Variants in KIF13A observed in about 807,000 individuals in gnomAD.
KIF13A encodes the protein kinesin-like protein KIF13A.
In KIF13A, 79 loss-of-function variants were observed where a neutral mutation model predicts 212.2. The ratio of observed to expected loss-of-function variants is 0.37; its 90% CI spans 0.31 to 0.45. KIF13A has a LOEUF of 0.45. KIF13A is among the 20% of genes least tolerant of loss of function. The probability of loss-of-function intolerance (pLI) is 1.00; values close to 1 mark genes in which losing one functional copy is unlikely to be tolerated. For missense variants in KIF13A, 1,901 were observed against 2,209.0 expected (o/e 0.86, Z 2.79); for synonymous variants, 789 against 808.6 (o/e 0.98, Z 0.41).
At position 17,871,732 on chromosome 6, in the gene KIF13A, T is replaced by G. The variant is rs1443091337; in HGVS notation, c.220+1645A>C. 1.3e-5 allele frequency among the ~76,000 whole-genome samples: 2 copies of G among 152,184 alleles called. No individual in the cohort carries two copies. The highest frequency in any genetic ancestry group is 3.8e-4 in the East Asian group (2 of 5,198). ...TGTAGTCCAAAGAGTATAGATTTTTTCTAGCATGTGATGAGGAGTCCTGGA... is the reference window on the plus strand; with the variant it reads ...TGTAGTCCAAAGAGTATAGATTTTTGCTAGCATGTGATGAGGAGTCCTGGA... On this transcript the variant is annotated intron_variant, in intron 4 of 38. Transcript: ENST00000259711. This position sits in a 1 kb window ranked among gnomAD's most constrained non-coding sequence, Gnocchi z 4.4.
Position 17,828,169 on chromosome 6 carries a change from G to T in KIF13A, c.1532+71C>A, listed in dbSNP as rs1398712445. 9.4e-6 allele frequency: 14 copies of T among 1,495,676 alleles called. No individual in the cohort carries two copies. The Admixed American group carries it at 2.7e-4, about 29-fold the overall frequency. 92.7% of individuals were successfully genotyped at this position (1,495,676 alleles called of 1,614,324 possible). On this transcript the variant is annotated intron_variant, in intron 14 of 38. Transcript: ENST00000259711. The surrounding 1 kb of genome is among the most constrained non-coding windows in gnomAD (Gnocchi z 4.3). ...ACTTTAATATAGCTGAAAGCAAACA[G>T]AAAGAGGCAGCCTTCTCCTTCTGAA...
intron 4 of KIF13A, among the ~76,000 whole-genome samples, chr6:17,868,030 A>C (rs1439339555): frequency 6.6e-6 from 1 of 152,242 alleles, no homozygotes; most frequent in Admixed American, 6.5e-5. Context: ...TAAGAGGCAG[A>C]TGTACAACCT....
rs1474648428 is a variant in KIF13A at position 17,829,794 on chromosome 6, T to G, written c.1401+1307A>C. ...GACTCTCAATAACTCAGGGGCTATT[T>G]GTACCAAATTTACACCTCTAGGAAA... On this transcript the variant is annotated intron_variant, in intron 13 of 38. Coordinates refer to ENST00000259711, the MANE Select transcript of KIF13A (RefSeq NM_022113.6). This position sits in a 1 kb window ranked among gnomAD's most constrained non-coding sequence, Gnocchi z 5.4. 6.6e-6 allele frequency among the ~76,000 whole-genome samples: 1 copy of G among 152,138 alleles called. No individual in the cohort carries two copies. The highest frequency in any genetic ancestry group is 1.5e-5 in the Non-Finnish European group (1 of 68,034).
Position 17,769,457 on chromosome 6 carries a change from T to G in KIF13A, c.4581+1657A>C, listed in dbSNP as rs1380157238. 1.3e-5 allele frequency among the ~76,000 whole-genome samples: 2 copies of G among 152,134 alleles called. No individual in the cohort carries two copies. The highest frequency in any genetic ancestry group is 4.8e-5 in the African/African-American group (2 of 41,438). On this transcript the variant is annotated intron_variant, in intron 38 of 38. Transcript: ENST00000259711. The surrounding 1 kb of genome is among the most constrained non-coding windows in gnomAD (Gnocchi z 5.8). Reference sequence around the variant, plus strand: ...TCAGTCACAGAGTCTAACTGCTGCTTGAGACTTCCTGGGTCAAGAGAATCT... The same window carrying G: ...TCAGTCACAGAGTCTAACTGCTGCTGGAGACTTCCTGGGTCAAGAGAATCT...
At chr6:17,910,872 C>T (rs1773994271) in intron 2 of KIF13A, among the ~76,000 whole-genome samples, 1 of 152,192 alleles carries the variant, frequency 6.6e-6, no homozygotes, top group Non-Finnish European at 1.5e-5. Context: ...ATGCCATTCT[C>T]CTGCCTCAGC....
Position 17,828,383 on chromosome 6 carries a change from T to A in KIF13A, c.1402-13A>T. Reference sequence around the variant, plus strand: ...CCCTGGTGTGATCCTAGTAAAAGATTATTAAGGAAAGAAAAACCCACATTT... The same window carrying A: ...CCCTGGTGTGATCCTAGTAAAAGATAATTAAGGAAAGAAAAACCCACATTT... On this transcript the variant is annotated splice_polypyrimidine_tract_variant and intron_variant, in intron 13 of 38. Transcript: ENST00000259711. The surrounding 1 kb of genome is among the most constrained non-coding windows in gnomAD (Gnocchi z 4.3). 1 of 1,599,170 alleles carries A rather than the reference T, an allele frequency of 6.3e-7. No homozygotes were observed. Among genetic ancestry groups the A allele is most frequent in the Non-Finnish European group, 8.5e-7 (1 of 1,174,520 alleles).
chr6:17,891,235 A>G (rs1199392033), intron 3 of KIF13A, among the ~76,000 whole-genome samples: 2 of 152,240 alleles, frequency 1.3e-5, no homozygotes, highest in Non-Finnish European at 2.9e-5. Context: ...CATGAGGCTT[A>G]TGCTGAAATA....
In KIF13A at chr6:17,855,230, C is replaced by T. The variant is rs967147304; in HGVS notation, c.494+207G>A. Reference sequence around the variant, plus strand: ...ATAGTAAAAACATCTTTTCAAAGGGCATACATAGGCAACTTTATACATTAA... The same window carrying T: ...ATAGTAAAAACATCTTTTCAAAGGGTATACATAGGCAACTTTATACATTAA... On this transcript the variant is annotated intron_variant, in intron 6 of 38. Coordinates refer to ENST00000259711, the MANE Select transcript of KIF13A (RefSeq NM_022113.6). This position sits in a 1 kb window ranked among gnomAD's most constrained non-coding sequence, Gnocchi z 4.1. Among the ~76,000 whole-genome samples the T allele has an allele frequency of 1.3e-5, 2 of 152,144 alleles. No individual in the cohort carries two copies. The highest frequency in any genetic ancestry group is 6.5e-5 in the Admixed American group (1 of 15,270).
At chr6:17,909,301 C>T (rs1254766284) in intron 2 of KIF13A, among the ~76,000 whole-genome samples, 2 of 152,138 alleles carry the variant, frequency 1.3e-5, no homozygotes, top group Non-Finnish European at 2.9e-5. Flanking sequence ...CTTGGGAGGC[C>T]GAGGCGGGTG....
At chr6:17,976,651 C>T (rs1206853476) in intron 2 of KIF13A, among the ~76,000 whole-genome samples, 2 of 152,192 alleles carry the variant, frequency 1.3e-5, no homozygotes, top group African/African-American at 2.4e-5. Flanking sequence ...CAGCGGTGGG[C>T]TGAAGGGCTT....
chr6:17,908,491 C>A (rs1322479165), intron 2 of KIF13A, among the ~76,000 whole-genome samples: 1 of 152,004 alleles, frequency 6.6e-6, no homozygotes, highest in Non-Finnish European at 1.5e-5. Context: ...ATAGTCCCAG[C>A]TATTCAGGAG....
At chr6:17,867,753 C>T (rs371001716) in intron 4 of KIF13A, among the ~76,000 whole-genome samples, 8 of 152,184 alleles carry the variant, frequency 5.3e-5, no homozygotes, top group African/African-American at 1.7e-4. Context: ...TATTGTAGAA[C>T]TCAGCTAAGA....
At position 17,951,439 on chromosome 6, in the gene KIF13A, A is replaced by T. The variant is rs570304138; in HGVS notation, c.146+35615T>A. On this transcript the variant is annotated intron_variant, in intron 2 of 38. Transcript: ENST00000259711. The surrounding 1 kb of genome is among the most constrained non-coding windows in gnomAD (Gnocchi z 4.9). ...AGCCACTGTGACCAGCCTCAATTTA[A>T]AAAAAAAAAAAAAACAGCTTTAAGA... is the stretch of plus-strand genomic sequence containing the variant. 57,625 of 362,014 alleles carry T rather than the reference A, an allele frequency of 0.16. 2,193 individuals are homozygous for T. Among genetic ancestry groups the T allele is most frequent in the African/African-American group, 0.28 (11,546 of 40,918 alleles). The allele number at this position is 362,014 out of a possible 1,614,324, so 22.4% of individuals were successfully genotyped here.
intron 20 of KIF13A, among the ~76,000 whole-genome samples, chr6:17,802,923 G>GTGT (rs1762589345): frequency 7.4e-6 from 1 of 135,652 alleles, no homozygotes; most frequent in African/African-American, 2.6e-5. Flanking sequence ...ATTTTTTTGT[G>GTGT]TTTTTTTTGT....
chr6:17,937,227 A>G (rs895563288), intron 2 of KIF13A, among the ~76,000 whole-genome samples: 1 of 152,216 alleles, frequency 6.6e-6, no homozygotes, highest in Non-Finnish European at 1.5e-5. Flanking sequence ...TGGAGTCGGG[A>G]GTAACCAACC....
At chr6:17,821,411 C>T (rs1764420996) in intron 16 of KIF13A, among the ~76,000 whole-genome samples, 1 of 152,206 alleles carries the variant, frequency 6.6e-6, no homozygotes, top group African/African-American at 2.4e-5. Flanking sequence ...CTGACCTGAA[C>T]TGCTCTGCTG....
Position 17,968,044 on chromosome 6 carries a change from G to C in KIF13A, c.146+19010C>G, listed in dbSNP as rs994002456. 1.3e-5 allele frequency among the ~76,000 whole-genome samples: 2 copies of C among 152,152 alleles called. No homozygotes were observed. Among genetic ancestry groups the C allele is most frequent in the African/African-American group, 4.8e-5 (2 of 41,428 alleles). The stretch of plus-strand genomic sequence containing the variant: ...CGGCATACTGAGAATTGCCCACAAT[G>C]CTGAGAACCCCTGGGGGACTGACAA... On this transcript the variant is annotated intron_variant, in intron 2 of 38. Coordinates refer to ENST00000259711, the MANE Select transcript of KIF13A (RefSeq NM_022113.6). The surrounding 1 kb of genome is among the most constrained non-coding windows in gnomAD (Gnocchi z 4.7).
At position 17,928,079 on chromosome 6, in the gene KIF13A, C is replaced by A. The variant is rs145623149; in HGVS notation, c.147-29899G>T. ...AAATGCAATATATGAAAGCTGAAGA[C>A]CTCCTGCAGAAATTTAGGTATCTAC... On this transcript the variant is annotated intron_variant, in intron 2 of 38. Transcript: ENST00000259711. Among the ~76,000 whole-genome samples, 74 of 152,294 alleles carry A rather than the reference C, an allele frequency of 4.9e-4. 1 individual carries two copies. In the East Asian group the frequency reaches 0.013, roughly 27 times the overall value.
At chr6:17,966,270 T>A (rs953034383) in intron 2 of KIF13A, among the ~76,000 whole-genome samples, 2 of 152,126 alleles carry the variant, frequency 1.3e-5, no homozygotes, top group African/African-American at 4.8e-5. Flanking sequence ...TATGCGTTAT[T>A]TTTTATGTGT....
Sources: gnomAD v4.1 joint callset for allele counts (sites outside exome capture counted in the v4.1 genomes callset) on GRCh38, gnomAD v4.1.1 for gene constraint, Gnocchi (gnomAD v3.1) non-coding constraint, MANE v1.5 for transcripts, NCBI Gene and HGNC (gene_info 2026-07-23, HGNC 2026-07-21) for gene names.